STK3: variants seen among roughly 807,000 people sequenced by gnomAD.
STK3 encodes serine/threonine-protein kinase 3.
Under a neutral mutation model 58.0 loss-of-function variants are expected in STK3, and 41 were observed. That is an observed-to-expected ratio of 0.71 (90% CI 0.55 to 0.92). STK3 has a LOEUF of 0.92. STK3 is among the 40% of genes least tolerant of loss of function. STK3 has a pLI of 0.00. For missense variants in STK3, 479 were observed against 602.7 expected, an observed-to-expected ratio of 0.79 and a Z score of 2.15; for synonymous variants, 170 against 191.0, an observed-to-expected ratio of 0.89 and a Z score of 0.91.
chr8:98,647,175 A>G (rs1395165490), intron 6 of STK3, among the ~76,000 whole-genome samples: 1 of 152,258 alleles, frequency 6.6e-6, no homozygotes, highest in South Asian at 2.1e-4. Flanking sequence ...CATCTGCCCA[A>G]AATGATCTCC....
At chr8:98,817,919 A>C (rs547430782) in intron 1 of STK3, among the ~76,000 whole-genome samples, 2 of 152,234 alleles carry the variant, frequency 1.3e-5, no homozygotes, top group African/African-American at 4.8e-5. Context: ...CAGCACACAG[A>C]GCTCTGACTT....
intron 6 of STK3, among the ~76,000 whole-genome samples, chr8:98,611,697 A>T (rs1367429197): frequency 6.6e-6 from 1 of 152,220 alleles, no homozygotes; most frequent in Non-Finnish European, 1.5e-5. Context: ...AACACTGGCT[A>T]CATATTAGAA....
intron 3 of STK3, among the ~76,000 whole-genome samples, chr8:98,850,766 A>C (rs1039893213): frequency 1.3e-5 from 2 of 152,170 alleles, no homozygotes; most frequent in African/African-American, 4.8e-5. Context: ...CGGGTCATCA[A>C]CCACACCTGT....
intron 1 of STK3, among the ~76,000 whole-genome samples, chr8:98,917,039 T>C (rs1839371255): frequency 6.6e-6 from 1 of 152,114 alleles, no homozygotes; most frequent in Non-Finnish European, 1.5e-5. Flanking sequence ...GGCATGAGAT[T>C]GACATGTCAA....
intron 1 of STK3, among the ~76,000 whole-genome samples, chr8:98,808,352 AC>A: frequency 6.6e-6 from 1 of 152,362 alleles, no homozygotes; most frequent in Middle Eastern, 3.4e-3. Flanking sequence ...AAAAGGCCTT[AC>A]GGCAGAAAAA....
At chr8:98,826,705 C>A (rs905237465), upstream of STK3, among the ~76,000 whole-genome samples, 6 of 152,008 alleles carry the variant, frequency 3.9e-5, no homozygotes, top group South Asian at 1.0e-3. Flanking sequence ...ACAGCTGCTA[C>A]ATGAGTTTAC....
At chr8:98,931,483 T>G (rs1468196318) in intron 1 of STK3, among the ~76,000 whole-genome samples, 1 of 152,004 alleles carries the variant, frequency 6.6e-6, no homozygotes, top group East Asian at 1.9e-4. Flanking sequence ...TGCACATAAT[T>G]AAAACAAAAG....
chr8:98,580,834 A>C (rs1813819725), intron 7 of STK3, among the ~76,000 whole-genome samples: 1 of 152,230 alleles, frequency 6.6e-6, no homozygotes, highest in South Asian at 2.1e-4. Context: ...AGACAAAAAA[A>C]ATTGTGCTGA....
intron 3 of STK3, among the ~76,000 whole-genome samples, chr8:98,403,639 T>C (rs1294422842): frequency 8.8e-6 from 1 of 113,622 alleles, no homozygotes; most frequent in Non-Finnish European, 2.0e-5. Context: ...GGGACAGGGA[T>C]CATATCTGTG....
At chr8:98,507,431 T>C (rs187843791) in intron 10 of STK3, among the ~76,000 whole-genome samples, 43 of 152,342 alleles carry the variant, frequency 2.8e-4, no homozygotes, top group African/African-American at 9.9e-4. Context: ...TAAAAAGTTA[T>C]CAGGAACCTG....
At chr8:98,788,545 T>C (rs551879349) in intron 1 of STK3, among the ~76,000 whole-genome samples, 2 of 151,558 alleles carry the variant, frequency 1.3e-5, no homozygotes, top group South Asian at 2.1e-4. Flanking sequence ...ACCTAACACA[T>C]AAGGACTCAC....
In STK3 at chr8:98,654,096, C is replaced by G. The variant is rs1405940857; in HGVS notation, c.684+52371G>C. On this transcript the variant is annotated intron_variant, in intron 6 of 10. Transcript: ENST00000419617. ...GCAAAAATCCTCAATAAAATACTGA[C>G]AAACCGCATCCAGCAGCACATCAAA... 7.2e-5 allele frequency among the ~76,000 whole-genome samples: 11 copies of G among 152,248 alleles called. 1 individual carries two copies. Among genetic ancestry groups the G allele is most frequent in the Middle Eastern group, 3.4e-3 (1 of 294 alleles).
intron 10 of STK3, among the ~76,000 whole-genome samples, chr8:98,518,205 T>C (rs1026021464): frequency 1.3e-5 from 2 of 152,044 alleles, no homozygotes; most frequent in African/African-American, 2.4e-5. Context: ...ATTAATCCAA[T>C]AAGTACAGGC....
chr8:98,865,951 G>A (rs1235642307), intron 3 of STK3, among the ~76,000 whole-genome samples: 1 of 152,242 alleles, frequency 6.6e-6, no homozygotes, highest in African/African-American at 2.4e-5. Flanking sequence ...ACACAGTCCT[G>A]CAGTCTGGAG....
At chr8:98,696,633 C>T (rs200616940) in intron 6 of STK3, among the ~76,000 whole-genome samples, 7 of 152,002 alleles carry the variant, frequency 4.6e-5, no homozygotes, top group Non-Finnish European at 5.9e-5. Flanking sequence ...TTTTGTCTTT[C>T]GTTCTGTTTA....
At chr8:98,368,017 C>G (rs916399465), downstream of STK3, among the ~76,000 whole-genome samples, 2 of 152,174 alleles carry the variant, frequency 1.3e-5, no homozygotes, top group Non-Finnish European at 2.9e-5. Context: ...TGCGCTGTGT[C>G]ATTGACAGCT....
chr8:98,569,233 G>C (rs1232887022), intron 8 of STK3, among the ~76,000 whole-genome samples: 2 of 152,100 alleles, frequency 1.3e-5, no homozygotes, highest in Non-Finnish European at 2.9e-5. Context: ...GACACGGTCA[G>C]ATATGCAATG....
chr8:98,523,438 G>A (rs891948740), intron 10 of STK3, among the ~76,000 whole-genome samples: 30 of 148,360 alleles, frequency 2.0e-4, no homozygotes, highest in African/African-American at 7.2e-4. Flanking sequence ...GCAATGGCAC[G>A]ATCTCGGCTC....
At chr8:98,505,848 GGGTCAGGGAC>G (rs1824018305) in intron 10 of STK3, among the ~76,000 whole-genome samples, 1 of 152,194 alleles carries the variant, frequency 6.6e-6, no homozygotes, top group African/African-American at 2.4e-5. Context: ...GGCTACACAG[GGGTCAGGGAC>G]CCACTTGAGG....
Sources: gnomAD v4.1 joint callset for allele counts (sites outside exome capture counted in the v4.1 genomes callset) on GRCh38, gnomAD v4.1.1 for gene constraint, MANE v1.5 for transcripts, NCBI Gene and HGNC (gene_info 2026-07-23, HGNC 2026-07-21) for gene names.